Variants in SUMF1 observed in about 807,000 individuals in gnomAD.
The protein encoded by SUMF1 is sulfatase modifying factor 1.
Under a neutral mutation model 47.6 loss-of-function variants are expected in SUMF1, and 48 were observed. The observed-to-expected ratio is 1.01, with a 90% CI of 0.80 to 1.28. The LOEUF (loss-of-function observed/expected upper bound fraction) is 1.28, where lower values mean the gene tolerates loss of function less well. Ranked by LOEUF, SUMF1 falls within the 50% of genes most tolerant of loss-of-function variation. SUMF1 has a pLI of 0.00. For missense variants in SUMF1, 571 were observed against 485.4 expected (o/e 1.18, Z -1.66); for synonymous variants, 230 against 192.1 (o/e 1.20, Z -1.63).
chr3:4,145,458 C>T (rs1461468869), intron 8 of SUMF1, among the ~76,000 whole-genome samples: 1 of 152,096 alleles, frequency 6.6e-6, no homozygotes, highest in African/African-American at 2.4e-5. Context: ...TAAATCCTAC[C>T]TCTCTGCAAT....
At chr3:4,166,675 G>C (rs900653426) in intron 8 of SUMF1, among the ~76,000 whole-genome samples, 4 of 152,118 alleles carry the variant, frequency 2.6e-5, no homozygotes, top group Non-Finnish European at 5.9e-5. Context: ...GGAGGCAAGG[G>C]TCAGAACAGA....
chr3:4,131,758 G>C (rs1574910965), intron 8 of SUMF1, among the ~76,000 whole-genome samples: 1 of 152,150 alleles, frequency 6.6e-6, no homozygotes, highest in Admixed American at 6.5e-5. Context: ...TCCCATGTGA[G>C]TGCTCATCAA....
Position 4,338,323 on chromosome 3 carries a change from C to T in SUMF1, c.1014+38007G>A, listed in dbSNP as rs147217384. On this transcript the variant is annotated intron_variant and NMD_transcript_variant, in intron 8 of 12. Coordinates refer to the SUMF1 transcript ENST00000448413. ...GATACTTTAAAGTAATATTTACTAT[C>T]GTCATCCATTCAAAAAGAAAAGGCA... is the stretch of plus-strand genomic sequence containing the variant. Among the ~76,000 whole-genome samples the T allele has an allele frequency of 2.5e-3, 375 of 152,078 alleles. 2 individuals carry two copies. Among genetic ancestry groups the T allele is most frequent in the African/African-American group, 8.5e-3 (351 of 41,496 alleles).
intron 8 of SUMF1, among the ~76,000 whole-genome samples, chr3:4,235,931 G>A (rs900242985): frequency 7.2e-5 from 11 of 151,956 alleles, no homozygotes; most frequent in African/African-American, 1.9e-4. Context: ...ACAAGCACAT[G>A]TCTATACCAA....
intron 8 of SUMF1, among the ~76,000 whole-genome samples, chr3:4,172,587 C>G (rs902177599): frequency 3.9e-5 from 6 of 152,076 alleles, no homozygotes; most frequent in African/African-American, 1.4e-4. Context: ...AGTTACTTGC[C>G]TAAGATCACA....
chr3:4,384,275 G>A (rs1020434070), intron 7 of SUMF1, among the ~76,000 whole-genome samples: 15 of 152,058 alleles, frequency 9.9e-5, no homozygotes, highest in African/African-American at 3.1e-4. Context: ...TTTATTATGG[G>A]TAACCGTTGA....
intron 3 of SUMF1, among the ~76,000 whole-genome samples, chr3:4,420,704 A>G (rs1050457021): frequency 6.6e-6 from 1 of 151,838 alleles, no homozygotes; most frequent in Non-Finnish European, 1.5e-5. Flanking sequence ...CCTCTGTAAG[A>G]ATTTTTAAAA....
intron 7 of SUMF1, among the ~76,000 whole-genome samples, chr3:4,387,033 T>C (rs958001670): frequency 2.0e-5 from 3 of 152,058 alleles, no homozygotes; most frequent in Non-Finnish European, 4.4e-5. Context: ...TCTCTATTTA[T>C]GAGGGATGTT....
intron 8 of SUMF1, among the ~76,000 whole-genome samples, chr3:4,256,824 C>G (rs1409292720): frequency 4.8e-5 from 7 of 147,262 alleles, no homozygotes. Context: ...GAATTTTAGA[C>G]CAATATCCTT....
chr3:4,338,740 C>G (rs987508810), intron 8 of SUMF1, among the ~76,000 whole-genome samples: 1 of 151,950 alleles, frequency 6.6e-6, no homozygotes, highest in African/African-American at 2.4e-5. Context: ...TACGTAGAGT[C>G]TCATATGTAT....
intron 8 of SUMF1, among the ~76,000 whole-genome samples, chr3:4,081,959 A>G (rs1559455053): frequency 6.6e-6 from 1 of 152,148 alleles, no homozygotes; most frequent in Non-Finnish European, 1.5e-5. Flanking sequence ...CCTTAACACA[A>G]TAACTTTAAG....
At chr3:4,437,797 G>C (rs2125090933) in intron 3 of SUMF1, among the ~76,000 whole-genome samples, 1 of 152,038 alleles carries the variant, frequency 6.6e-6, no homozygotes, top group South Asian at 2.1e-4. Context: ...AAATTAGCTG[G>C]GCGTGGTGGT....
chr3:4,137,652 G>T lies in SUMF1; in HGVS notation c.1015-68907C>A, dbSNP rs77706387. On this transcript the variant is annotated intron_variant and NMD_transcript_variant, in intron 8 of 12. Transcript: ENST00000448413. ...ACAAACAAACAAACAAGAAATGGAA[G>T]AAAATTTCCTCAACCTGATAAAGGG... Among the ~76,000 whole-genome samples, 652 of 152,036 alleles carry T rather than the reference G, an allele frequency of 4.3e-3. 8 individuals carry two copies. Among genetic ancestry groups the T allele is most frequent in the African/African-American group, 0.015 (620 of 41,496 alleles).
intron 8 of SUMF1, among the ~76,000 whole-genome samples, chr3:4,365,901 G>C (rs1250696049): frequency 6.6e-6 from 1 of 152,068 alleles, no homozygotes; most frequent in East Asian, 1.9e-4. Flanking sequence ...AGCTCTTTTA[G>C]GGCAGGCCTG....
In SUMF1 at chr3:4,034,852, T is replaced by C. The variant is rs1183558822; in HGVS notation, c.1191+33717A>G. ...AATCAATTCTAGCCAGGGCTCTCCC[T>C]CCAGGATTTTAGGAAAAGGTATCAG... On this transcript the variant is annotated intron_variant and NMD_transcript_variant, in intron 9 of 12. Coordinates refer to the SUMF1 transcript ENST00000448413. Among the ~76,000 whole-genome samples, 3 of 151,840 alleles carry C rather than the reference T, an allele frequency of 2.0e-5. No homozygotes were observed. In the East Asian group the frequency reaches 5.8e-4, roughly 29 times the overall value.
intron 8 of SUMF1, among the ~76,000 whole-genome samples, chr3:4,334,588 G>T (rs539594842): frequency 6.6e-6 from 1 of 152,176 alleles, no homozygotes; most frequent in Non-Finnish European, 1.5e-5. Context: ...ACAGACAGAA[G>T]AAAACAGGAA....
At chr3:4,311,833 G>C (rs759304647) in intron 8 of SUMF1, among the ~76,000 whole-genome samples, 2 of 152,132 alleles carry the variant, frequency 1.3e-5, no homozygotes, top group Non-Finnish European at 2.9e-5. Context: ...AATGGTTTGA[G>C]TTCTATGTAA....
At chr3:4,451,841 GC>G (rs1270852943) in intron 2 of SUMF1, among the ~76,000 whole-genome samples, 1 of 152,056 alleles carries the variant, frequency 6.6e-6, no homozygotes, top group Non-Finnish European at 1.5e-5. Flanking sequence ...CCGCCACCAT[GC>G]CCGGCTAATT....
At chr3:4,456,935 C>A (rs558504912) in intron 1 of SUMF1, among the ~76,000 whole-genome samples, 1 of 58,184 alleles carries the variant, frequency 1.7e-5, no homozygotes, top group Non-Finnish European at 3.7e-5. Context: ...TATATATATA[C>A]GTGTGTGTAC....
Sources: allele counts gnomAD v4.1 joint callset (sites outside exome capture counted in the v4.1 genomes callset), GRCh38; gene constraint gnomAD v4.1.1; transcripts MANE v1.5; gene names NCBI Gene and HGNC (gene_info 2026-07-23, HGNC 2026-07-21).